The following NSA2 variants were observed in gnomAD, a reference collection of about 807,000 sequenced individuals.
NSA2 encodes the protein ribosome biogenesis protein NSA2 homolog.
In NSA2, 18 loss-of-function variants were observed where a neutral mutation model predicts 34.8. The observed-to-expected ratio is 0.52, with a 90% CI of 0.36 to 0.77. The LOEUF (loss-of-function observed/expected upper bound fraction) is 0.77. NSA2 is among the 30% of genes least tolerant of loss of function. The pLI is 0.00. For synonymous variants in NSA2, 79 were observed against 100.2 expected, an observed-to-expected ratio of 0.79 and a Z score of 1.26; for missense variants, 188 against 314.7, an observed-to-expected ratio of 0.60 and a Z score of 3.05.
chr5:74,770,679 G>C lies in NSA2; in HGVS notation c.391G>C (p.Glu131Gln). The change falls in exon 4 of 6, where the codon GAA becomes CAA. Residue 131 changes from glutamate (E) to glutamine (Q), a missense_variant. Coordinates refer to ENST00000610426, the MANE Select transcript of NSA2 (RefSeq NM_014886.6). ...TAAAGTACGTGCCCAGGGAGAAACAGAAGTATTAAAAGTTATTCGAACAGG... is the reference window on the plus strand; with the variant it reads ...TAAAGTACGTGCCCAGGGAGAAACACAAGTATTAAAAGTTATTCGAACAGG... The part of the protein sequence containing the change: ...LPKVRAQGET[E>Q]VLKVIRTGKR... The C allele has an allele frequency of 6.2e-7, 1 of 1,612,166 alleles. No homozygotes were observed. Among genetic ancestry groups the C allele is most frequent in the Non-Finnish European group, 8.5e-7 (1 of 1,179,158 alleles).
At chr5:74,771,684 A>G (rs996609031) in intron 4 of NSA2, 1 of 142,558 alleles carries the variant, frequency 7.0e-6, no homozygotes, top group Non-Finnish European at 1.5e-5. Context: ...CATCTCTACT[A>G]AAAAAAAAAA....
rs1327204005 is a variant in NSA2, at chr5:74,779,383, GAC to G, written c.*2716_*2717del. 2 of 152,106 alleles carry G rather than the reference GAC, an allele frequency of 1.3e-5. No individual in the cohort carries two copies. Among genetic ancestry groups the G allele is most frequent in the African/African-American group, 2.4e-5 (1 of 41,434 alleles). The allele number at this position is 152,106 out of a possible 1,614,324, so 9.4% of individuals were successfully genotyped here. A position where few individuals can be genotyped will look rare whatever the true frequency, so the allele number is the denominator to read the frequency against. ...ATTAGCATGGCCCCTGTGCAAGGAT[GAC>G]ACAAATTCATGAAGCGTTTCCATGT... On this transcript the variant is annotated 3_prime_UTR_variant, in exon 6 of 6. Coordinates refer to ENST00000610426, the MANE Select transcript of NSA2 (RefSeq NM_014886.6).
Position 74,769,220 on chromosome 5 carries a change from GA to G in NSA2, c.199del (p.Met67CysfsTer39). The G allele has an allele frequency of 6.2e-7, 1 of 1,605,194 alleles. No individual in the cohort carries two copies. Among genetic ancestry groups the G allele is most frequent in the South Asian group, 1.1e-5 (1 of 88,280 alleles). On this transcript the variant is annotated frameshift_variant, in exon 3 of 6. Coordinates refer to ENST00000610426, the MANE Select transcript of NSA2 (RefSeq NM_014886.6). LOFTEE classifies it high-confidence loss of function. The part of the protein sequence containing the change: ...EKIQMKKTIK[M>X]HEKRNTKQKN... ...CTTTTTTCCTTCTTGGTAGTATCAAGATGCATGAAAAGAGAAACACCAAACA... is the reference window on the plus strand; with the variant it reads ...CTTTTTTCCTTCTTGGTAGTATCAAGTGCATGAAAAGAGAAACACCAAACA...
intron 4 of NSA2, among the ~76,000 whole-genome samples, chr5:74,772,968 CAA>C (rs1744994308): frequency 6.6e-6 from 1 of 152,180 alleles, no homozygotes; most frequent in Admixed American, 6.5e-5. Flanking sequence ...GTTTCTGTAA[CAA>C]AGACTCCTCT....
rs1745217262 is a variant in NSA2 at position 74,778,168 on chromosome 5, T to TA, written c.*1498dup. The stretch of plus-strand genomic sequence containing the variant: ...CTTGTAAGGTACAAAGAAAGCTTGA[T>TA]ATTAAGTATGAAAACATAAGCATAA... On this transcript the variant is annotated 3_prime_UTR_variant, in exon 6 of 6. Transcript: ENST00000610426. 1 of 152,050 alleles carries TA rather than the reference T, an allele frequency of 6.6e-6. No individual in the cohort carries two copies. Among genetic ancestry groups the TA allele is most frequent in the South Asian group, 2.1e-4 (1 of 4,834 alleles). 9.4% of individuals were successfully genotyped at this position (152,050 alleles called of 1,614,324 possible).
At chr5:74,772,583 GTGTTTACCTATTGGGTTCTTTACACAAAA>G (rs967045765) in intron 4 of NSA2, among the ~76,000 whole-genome samples, 1 of 152,138 alleles carries the variant, frequency 6.6e-6, no homozygotes, top group Non-Finnish European at 1.5e-5. Flanking sequence ...AAAGCCTAAA[GTGTTTACCTATTGGGTTCTTTACACAAAA>G]TGTTTGCCCA....
chr5:74,771,800 G>A (rs1744938999), intron 4 of NSA2: 2 of 150,268 alleles, frequency 1.3e-5, no homozygotes. Flanking sequence ...CTTGCAGTGA[G>A]TGGAGATCAT....
rs1744712815 is a variant in NSA2 at position 74,767,373 on chromosome 5, A to C, written c.3+10A>C. ...TGCGGCCGTCACCATGGTAAGGAGG[A>C]TGCCTCGGACGCTCGCGACACACAG... On this transcript the variant is annotated intron_variant, in intron 1 of 5. Transcript: ENST00000610426. 2 of 1,612,926 alleles carry C rather than the reference A, an allele frequency of 1.2e-6. No individual in the cohort carries two copies. The highest frequency in any genetic ancestry group is 8.5e-7 in the Non-Finnish European group (1 of 1,179,654).
At chr5:74,769,574 G>A (rs1382001076) in intron 3 of NSA2, 2 of 413,392 alleles carry the variant, frequency 4.8e-6, no homozygotes, top group Non-Finnish European at 8.4e-6. Context: ...TTATTAGAAT[G>A]CCATATGAAA....
Position 74,770,764 on chromosome 5 carries a change from G to A in NSA2, c.476G>A (p.Gly159Asp). The A allele has an allele frequency of 6.2e-7, 1 of 1,611,694 alleles. No individual in the cohort carries two copies. Among genetic ancestry groups the A allele is most frequent in the Non-Finnish European group, 8.5e-7 (1 of 1,179,168 alleles). Residue 159 changes from glycine to aspartate, a missense_variant, in exon 4 of 6, where the codon GGC becomes GAC. Physicochemically the swap from Gly to Asp is moderately conservative, Grantham distance 94. Coordinates refer to ENST00000610426, the MANE Select transcript of NSA2 (RefSeq NM_014886.6). The stretch of plus-strand genomic sequence containing the variant: ...ACTAAAGTGTGCTTTGTTGGAGATG[G>A]CTTTACAAGAAAACCACCTAAATAT... ...MVTKVCFVGD[G>D]FTRKPPKYER...
At position 74,779,536 on chromosome 5, in the gene NSA2, T is replaced by G. The variant is rs1745304005; in HGVS notation, c.*2865T>G. The G allele has an allele frequency of 6.6e-6, 1 of 152,106 alleles. No individual in the cohort carries two copies. Among genetic ancestry groups the G allele is most frequent in the African/African-American group, 2.4e-5 (1 of 41,424 alleles). The allele number at this position is 152,106 out of a possible 1,614,324, so 9.4% of individuals were successfully genotyped here. A position where few individuals can be genotyped will look rare whatever the true frequency, so the allele number is the denominator to read the frequency against. On this transcript the variant is annotated 3_prime_UTR_variant, in exon 6 of 6. Transcript: ENST00000610426. ...GAATTTACTGAATCTTAACAGAGTA[T>G]TTCCCTTTGTGATATTGACAGAAGT...
chr5:74,774,188 A>T (rs1006323126), intron 5 of NSA2, 128 bp downstream of exon 5: 1 of 548,026 alleles, frequency 1.8e-6, no homozygotes, highest in Non-Finnish European at 3.2e-6. Context: ...ACTGTAAATC[A>T]GATGTAAATA....
At chr5:74,767,748 A>G (rs1025003136) in intron 1 of NSA2, among the ~76,000 whole-genome samples, 1 of 152,200 alleles carries the variant, frequency 6.6e-6, no homozygotes, top group African/African-American at 2.4e-5. Context: ...TTTACTGCTG[A>G]GGAAACTGAA....
intron 5 of NSA2, among the ~76,000 whole-genome samples, chr5:74,774,471 GCGAGCA>G (rs1254610090): frequency 6.6e-6 from 1 of 151,990 alleles, no homozygotes; most frequent in Non-Finnish European, 1.5e-5. Context: ...GGGTGTGGTG[GCGAGCA>G]CCTCTAATCC....
Position 74,778,627 on chromosome 5 carries a change from T to C in NSA2, c.*1956T>C, listed in dbSNP as rs556702373. On this transcript the variant is annotated 3_prime_UTR_variant, in exon 6 of 6. Transcript: ENST00000610426. ...AAATCATAATAGACCCTCTCACCTT[T>C]AAAAGTTGTAGAGGAGCTTTATAAT... 2.4e-4 allele frequency: 36 copies of C among 152,192 alleles called. No homozygotes were observed. Among genetic ancestry groups the C allele is most frequent in the African/African-American group, 8.4e-4 (35 of 41,578 alleles). 9.4% of individuals were successfully genotyped at this position (152,192 alleles called of 1,614,324 possible).
chr5:74,770,126 T>C (rs1744868646), intron 3 of NSA2, among the ~76,000 whole-genome samples: 1 of 151,552 alleles, frequency 6.6e-6, no homozygotes. Flanking sequence ...AGGTCAGGAG[T>C]TCAAGACCAG....
In NSA2 at chr5:74,770,829, G is replaced by A. The variant is rs1276005910; in HGVS notation, c.522+19G>A. 2 of 1,506,550 alleles carry A rather than the reference G, an allele frequency of 1.3e-6. No homozygotes were observed. The highest frequency in any genetic ancestry group is 8.9e-7 in the Non-Finnish European group (1 of 1,125,974). The allele number at this position is 1,506,550 out of a possible 1,614,324, so 93.3% of individuals were successfully genotyped here. A position where few individuals can be genotyped will look rare whatever the true frequency, so the allele number is the denominator to read the frequency against. On this transcript the variant is annotated intron_variant, in intron 4 of 5. Transcript: ENST00000610426. ...GCCAATGGTAAGTCCTTGGAAGAGT[G>A]TAATGACCGAAATGTTAGTTGACTT... is the stretch of plus-strand genomic sequence containing the variant.
chr5:74,770,183 T>C (rs1301973527), intron 3 of NSA2, among the ~76,000 whole-genome samples: 2 of 151,888 alleles, frequency 1.3e-5, no homozygotes. Context: ...ATACAAAAAT[T>C]AGCTGGGTGT....
intron 4 of NSA2, among the ~76,000 whole-genome samples, chr5:74,771,888 A>G (rs893320975): frequency 2.6e-5 from 4 of 151,678 alleles, no homozygotes; most frequent in Admixed American, 2.0e-4. Flanking sequence ...GAAAAAGAAA[A>G]TCTTTGAAAA....
Sources: allele counts gnomAD v4.1 joint callset (sites outside exome capture counted in the v4.1 genomes callset), GRCh38; gene constraint gnomAD v4.1.1; transcripts MANE v1.5; gene names NCBI Gene and HGNC (gene_info 2026-07-23, HGNC 2026-07-21).